PPM1H: variants seen among roughly 807,000 people sequenced by gnomAD.
PPM1H encodes protein phosphatase, Mg2+/Mn2+ dependent 1H.
PPM1H carries 27 observed loss-of-function variants against 54.9 expected under a neutral mutation model. That is an observed-to-expected ratio of 0.49 (90% CI 0.36 to 0.68). The LOEUF is 0.68. PPM1H is among the 30% of genes least tolerant of loss of function. The pLI, the probability that PPM1H is intolerant of heterozygous loss-of-function variation, is 0.00. For synonymous variants in PPM1H, 305 were observed against 270.8 expected (o/e 1.13, Z -1.24); for missense variants, 596 against 667.8 (o/e 0.89, Z 1.19).
At chr12:62,869,014 A>C (rs940088508) in intron 1 of PPM1H, among the ~76,000 whole-genome samples, 1 of 152,174 alleles carries the variant, frequency 6.6e-6, no homozygotes, top group Admixed American at 6.5e-5. Context: ...TGCTGTACCC[A>C]CTATGTGCTG....
intron 8 of PPM1H, among the ~76,000 whole-genome samples, chr12:62,671,889 A>G (rs1349890802): frequency 6.6e-6 from 1 of 152,146 alleles, no homozygotes; most frequent in African/African-American, 2.4e-5. Context: ...TGCAGGCACA[A>G]TCCTTTCACA....
At chr12:62,867,664 G>A (rs757183227) in intron 1 of PPM1H, among the ~76,000 whole-genome samples, 25 of 127,626 alleles carry the variant, frequency 2.0e-4, no homozygotes, top group Admixed American at 5.0e-4. Flanking sequence ...TGCAAGCTCC[G>A]CCTCCCGGAT....
intron 6 of PPM1H, among the ~76,000 whole-genome samples, chr12:62,704,720 TGCTCATCTCCTTAGCCACAA>T (rs1478327656): frequency 6.6e-6 from 1 of 152,234 alleles, no homozygotes; most frequent in Non-Finnish European, 1.5e-5. Context: ...GGCTACCACC[TGCTCATCTCCTTAGCCACAA>T]GAAAGGCTGC....
intron 4 of PPM1H, among the ~76,000 whole-genome samples, chr12:62,771,747 C>T (rs73314581): frequency 0.014 from 2,176 of 152,258 alleles, 47 homozygotes; most frequent in African/African-American, 0.05. Context: ...TTCAAATGCA[C>T]TCGATTCACA....
intron 2 of PPM1H, among the ~76,000 whole-genome samples, chr12:62,820,307 C>A (rs1374317968): frequency 6.6e-6 from 1 of 152,238 alleles, no homozygotes; most frequent in African/African-American, 2.4e-5. Context: ...CCTCTGTAGA[C>A]CCCACCTCTG....
chr12:62,857,136 G>A (rs1437811483), intron 1 of PPM1H, among the ~76,000 whole-genome samples: 1 of 152,140 alleles, frequency 6.6e-6, no homozygotes, highest in Admixed American at 6.5e-5. Context: ...TGTGCGTGTG[G>A]TGGAGAAAGG....
In PPM1H at chr12:62,861,594, T is replaced by C. The variant is rs192954374; in HGVS notation, c.246-29315A>G. ...CAAATACATGTCTTATTCTCCATTT[T>C]ACTCCCAGTAATAGATCGTTTAATT... On this transcript the variant is annotated intron_variant, in intron 1 of 9. Coordinates refer to ENST00000228705, the MANE Select transcript of PPM1H (RefSeq NM_020700.2). Among the ~76,000 whole-genome samples the C allele has an allele frequency of 2.4e-3, 364 of 152,360 alleles. 2 individuals carry two copies. Among genetic ancestry groups the C allele is most frequent in the African/African-American group, 8.5e-3 (354 of 41,588 alleles).
At chr12:62,759,940 C>G (rs2076498306) in intron 4 of PPM1H, among the ~76,000 whole-genome samples, 1 of 152,124 alleles carries the variant, frequency 6.6e-6, no homozygotes, top group Non-Finnish European at 1.5e-5. Context: ...CCCCCCATCC[C>G]TTCTCTCCAT....
chr12:62,749,213 A>C (rs1592578453), intron 4 of PPM1H, among the ~76,000 whole-genome samples: 1 of 152,212 alleles, frequency 6.6e-6, no homozygotes, highest in Non-Finnish European at 1.5e-5. Flanking sequence ...ACAAAAAGGC[A>C]TCTCTGACAC....
chr12:62,670,076 G>C (rs757966284), intron 8 of PPM1H, among the ~76,000 whole-genome samples: 11 of 137,664 alleles, frequency 8.0e-5, no homozygotes, highest in South Asian at 7.2e-4. Flanking sequence ...CTCCCAGGTT[G>C]AAGCGATTCT....
intron 1 of PPM1H, among the ~76,000 whole-genome samples, chr12:62,908,026 C>T (rs2121132150): frequency 6.6e-6 from 1 of 152,296 alleles, no homozygotes; most frequent in East Asian, 1.9e-4. Context: ...AAATGTAGTA[C>T]ACAAGATTAA....
chr12:62,701,632 C>T (rs1001772606), intron 6 of PPM1H, among the ~76,000 whole-genome samples: 4 of 151,928 alleles, frequency 2.6e-5, no homozygotes, highest in Admixed American at 2.0e-4. Context: ...ACTCTGACAT[C>T]GTCGATCACT....
At position 62,788,286 on chromosome 12, in the gene PPM1H, G is replaced by A. The variant is rs369238249; in HGVS notation, c.809C>T (p.Thr270Met). 5.4e-5 allele frequency: 87 copies of A among 1,596,582 alleles called. No homozygotes were observed. Among genetic ancestry groups the A allele is most frequent in the Non-Finnish European group, 6.9e-5 (81 of 1,171,104 alleles). ...CAAAAGGCAAATCACAATGAGGGCC[G>A]TGCAGCCACCAGATATATTATATGA... ...RSSYNISGGC[T>M]ALIVICLLGK... Residue 270 changes from threonine (T) to methionine (M), a missense_variant, in exon 4 of 10, where the codon ACG (threonine) becomes ATG (methionine). Physicochemically the swap from Thr to Met is moderately conservative, Grantham distance 81 (BLOSUM62 -1). Transcript: ENST00000228705.
chr12:62,728,374 C>G (rs1354443881), intron 5 of PPM1H, among the ~76,000 whole-genome samples: 3 of 152,198 alleles, frequency 2.0e-5, no homozygotes, highest in Non-Finnish European at 4.4e-5. Context: ...CAGGGCAGGA[C>G]ACCAGAGTTT....
At chr12:62,729,578 A>C (rs190421081) in intron 5 of PPM1H, among the ~76,000 whole-genome samples, 1 of 152,336 alleles carries the variant, frequency 6.6e-6, no homozygotes, top group African/African-American at 2.4e-5. Context: ...TGGCCTCCCG[A>C]TCAAGAAAGA....
intron 3 of PPM1H, among the ~76,000 whole-genome samples, chr12:62,796,187 A>G (rs925391331): frequency 6.6e-6 from 1 of 152,198 alleles, no homozygotes; most frequent in Non-Finnish European, 1.5e-5. Flanking sequence ...AATACAGAAG[A>G]CTTCTGTGAC....
At chr12:62,652,723 C>A (rs1239970707) in intron 9 of PPM1H, among the ~76,000 whole-genome samples, 1 of 151,948 alleles carries the variant, frequency 6.6e-6, no homozygotes, top group Admixed American at 6.6e-5. Context: ...CTTAGAATGC[C>A]TTCTTTCATT....
chr12:62,834,586 C>T (rs147111793), intron 1 of PPM1H, among the ~76,000 whole-genome samples: 1,751 of 152,222 alleles, frequency 0.012, 31 homozygotes, highest in African/African-American at 0.04. Flanking sequence ...CCTGAGAGGG[C>T]GGGCCTTTCC....
At chr12:62,669,662 T>C (rs1157392920) in intron 8 of PPM1H, among the ~76,000 whole-genome samples, 1 of 152,138 alleles carries the variant, frequency 6.6e-6, no homozygotes, top group Admixed American at 6.5e-5. Flanking sequence ...ACTTTCAGTA[T>C]ACAATAACTT....
Sources: allele counts gnomAD v4.1 joint callset (sites outside exome capture counted in the v4.1 genomes callset), GRCh38; gene constraint gnomAD v4.1.1; transcripts MANE v1.5; gene names NCBI Gene and HGNC (gene_info 2026-07-23, HGNC 2026-07-21).